Variants in DLGAP4 observed in about 807,000 individuals in gnomAD.
The protein encoded by DLGAP4 is DLG associated protein 4.
A neutral mutation model predicts 86.9 loss-of-function variants in DLGAP4; 18 were observed. The ratio of observed to expected loss-of-function variants is 0.21; its 90% CI spans 0.14 to 0.31. The LOEUF is 0.31. Ranked by LOEUF, DLGAP4 falls within the 10% of genes least tolerant of loss-of-function variation. The pLI, the probability that DLGAP4 is intolerant of heterozygous loss-of-function variation, is 1.00. For missense variants in DLGAP4, 1,085 were observed against 1,362.6 expected (o/e 0.80, Z 3.21); for synonymous variants, 548 against 574.3 (o/e 0.95, Z 0.65).
intron 2 of DLGAP4, among the ~76,000 whole-genome samples, chr20:36,389,854 T>C (rs1042999741): frequency 5.3e-5 from 8 of 152,204 alleles, no homozygotes; most frequent in African/African-American, 1.9e-4. Context: ...AGAGTATCCA[T>C]GTCCTCAGAG....
intron 1 of DLGAP4, among the ~76,000 whole-genome samples, chr20:36,346,424 ACT>A (rs1485374421): frequency 6.6e-6 from 1 of 152,172 alleles, no homozygotes; most frequent in East Asian, 1.9e-4. Flanking sequence ...CATCCGGGAC[ACT>A]CTCCTGGAAG....
chr20:36,360,710 T>G (rs1364974308), intron 1 of DLGAP4, among the ~76,000 whole-genome samples: 3 of 146,238 alleles, frequency 2.1e-5, no homozygotes, highest in Non-Finnish European at 3.0e-5. Context: ...TGGCATGTGC[T>G]GCAGTGCCCT....
At chr20:36,388,646 T>G (rs917078811) in intron 2 of DLGAP4, among the ~76,000 whole-genome samples, 1 of 152,190 alleles carries the variant, frequency 6.6e-6, no homozygotes, top group African/African-American at 2.4e-5. Flanking sequence ...GCTGTGTGAC[T>G]CTGGGAAAGG....
intron 1 of DLGAP4, among the ~76,000 whole-genome samples, chr20:36,335,636 T>G (rs1441208324): frequency 6.6e-6 from 1 of 152,224 alleles, no homozygotes; most frequent in African/African-American, 2.4e-5. Flanking sequence ...TAGCAGATGT[T>G]GCTGCCTTCT....
intron 2 of DLGAP4, among the ~76,000 whole-genome samples, chr20:36,414,186 C>T (rs1278517265): frequency 2.0e-5 from 3 of 152,182 alleles, no homozygotes; most frequent in Non-Finnish European, 2.9e-5. Flanking sequence ...ACTGGGGTCC[C>T]AGCCCCCACA....
chr20:36,490,633 T>C (rs1263506084), intron 7 of DLGAP4, among the ~76,000 whole-genome samples: 1 of 152,190 alleles, frequency 6.6e-6, no homozygotes, highest in Non-Finnish European at 1.5e-5. Flanking sequence ...GCCTGAGCCA[T>C]GGCTTCCAGG....
intron 1 of DLGAP4, among the ~76,000 whole-genome samples, chr20:36,341,451 G>A (rs1361497865): frequency 6.6e-6 from 1 of 152,244 alleles, no homozygotes. Context: ...ACCAACGATG[G>A]TGATGCCTGG....
At chr20:36,362,555 G>A (rs1321837150) in intron 1 of DLGAP4, among the ~76,000 whole-genome samples, 3 of 152,192 alleles carry the variant, frequency 2.0e-5, no homozygotes, top group Non-Finnish European at 4.4e-5. Flanking sequence ...CGACAAGGAA[G>A]GAGGGAAAAC....
chr20:36,434,261 G>A (rs1275392), intron 3 of DLGAP4, among the ~76,000 whole-genome samples: 102,791 of 152,046 alleles, frequency 0.68, 36,379 homozygotes, highest in Non-Finnish European at 0.79. Context: ...CATTTTGAAC[G>A]AGATGATCTT....
At chr20:36,447,309 GAAC>G (rs2033618918) in intron 7 of DLGAP4, among the ~76,000 whole-genome samples, 1 of 152,222 alleles carries the variant, frequency 6.6e-6, no homozygotes, top group Non-Finnish European at 1.5e-5. Flanking sequence ...GGGCAGGTTG[GAAC>G]CTGCAGAGAA....
intron 7 of DLGAP4, among the ~76,000 whole-genome samples, chr20:36,470,587 AAAAG>A (rs1354630193): frequency 6.6e-6 from 1 of 152,106 alleles, no homozygotes; most frequent in Non-Finnish European, 1.5e-5. Context: ...AAAAAAAAAA[AAAAG>A]CCCAATGAAA....
chr20:36,371,207 TG>T (rs779242815), intron 2 of DLGAP4, among the ~76,000 whole-genome samples: 11 of 152,176 alleles, frequency 7.2e-5, no homozygotes, highest in Non-Finnish European at 1.5e-4. Flanking sequence ...AAGGCAGCTC[TG>T]TGGGGCCCTG....
At chr20:36,409,034 C>CTTTTTTT (rs35210861) in intron 2 of DLGAP4, among the ~76,000 whole-genome samples, 3 of 111,170 alleles carry the variant, frequency 2.7e-5, no homozygotes, top group Admixed American at 1.1e-4. Flanking sequence ...AAATAAAAGG[C>CTTTTTTT]TTTTTTTTTT....
chr20:36,407,967 A>G (rs1460662328), intron 2 of DLGAP4, among the ~76,000 whole-genome samples: 1 of 152,078 alleles, frequency 6.6e-6, no homozygotes, highest in Non-Finnish European at 1.5e-5. Context: ...TGGTCTCTGG[A>G]CTTAGGCAGC....
At chr20:36,487,850 C>T (rs1324890600) in intron 7 of DLGAP4, among the ~76,000 whole-genome samples, 1 of 152,184 alleles carries the variant, frequency 6.6e-6, no homozygotes, top group Admixed American at 6.5e-5. Flanking sequence ...TTGGCTCCTA[C>T]CCGGAGCACA....
intron 7 of DLGAP4, among the ~76,000 whole-genome samples, chr20:36,452,426 C>T (rs1273668702): frequency 6.6e-6 from 1 of 152,120 alleles, no homozygotes; most frequent in Non-Finnish European, 1.5e-5. Context: ...GTGATCCTCC[C>T]ACCTTGGCCT....
chr20:36,318,174 G>C (rs2065129807), intron 1 of DLGAP4, among the ~76,000 whole-genome samples: 1 of 150,724 alleles, frequency 6.6e-6, no homozygotes, highest in East Asian at 1.9e-4. Flanking sequence ...CTCCAGGAGT[G>C]ACTTTGAGGG....
Position 36,350,422 on chromosome 20 carries a change from C to T in DLGAP4, c.-303-16623C>T, listed in dbSNP as rs2030112712. On this transcript the variant is annotated intron_variant, in intron 1 of 12. Coordinates refer to ENST00000339266, the MANE Select transcript of DLGAP4 (RefSeq NM_001365621.2). The surrounding 1 kb of genome is among the most constrained non-coding windows in gnomAD (Gnocchi z 4.4). ...GAGGAGGCCCCTTCTCCATCCCCAG[C>T]ACCTGCCCCATCCTGACTCCGCTGA... 6.6e-6 allele frequency among the ~76,000 whole-genome samples: 1 copy of T among 152,200 alleles called. No individual in the cohort carries two copies. Among genetic ancestry groups the T allele is most frequent in the African/African-American group, 2.4e-5 (1 of 41,452 alleles).
intron 1 of DLGAP4, among the ~76,000 whole-genome samples, chr20:36,324,413 T>C (rs937125420): frequency 1.3e-5 from 2 of 152,018 alleles, no homozygotes; most frequent in Non-Finnish European, 2.9e-5. Flanking sequence ...GGGAACAGAG[T>C]GAGACTCTGT....
Sources: gnomAD v4.1 joint callset for allele counts (sites outside exome capture counted in the v4.1 genomes callset) on GRCh38, gnomAD v4.1.1 for gene constraint, Gnocchi (gnomAD v3.1) non-coding constraint, MANE v1.5 for transcripts, NCBI Gene and HGNC (gene_info 2026-07-23, HGNC 2026-07-21) for gene names.